The following TYW1B variants were observed in gnomAD, a reference collection of about 807,000 sequenced individuals.
TYW1B encodes tRNA-yW synthesizing protein 1 homolog B.
TYW1B carries 73 observed loss-of-function variants against 86.9 expected under a neutral mutation model. The observed-to-expected ratio is 0.84, with a 90% CI of 0.70 to 1.02. The LOEUF is 1.02. Among genes scored for constraint, TYW1B ranks in the 50% least tolerant of loss-of-function variants. The pLI, the probability that TYW1B is intolerant of heterozygous loss-of-function variation, is 0.00. For synonymous variants in TYW1B, 248 were observed against 292.8 expected, an observed-to-expected ratio of 0.85 and a Z score of 1.56; for missense variants, 637 against 827.4, an observed-to-expected ratio of 0.77 and a Z score of 2.82.
Position 72,807,206 on chromosome 7 carries a change from G to A in TYW1B, c.583C>T (p.Gln195Ter), listed in dbSNP as rs1381875309. 2.5e-6 allele frequency: 4 copies of A among 1,614,026 alleles called. No individual in the cohort carries two copies. Among genetic ancestry groups the A allele is most frequent in the Non-Finnish European group, 3.4e-6 (4 of 1,179,980 alleles). ...TTTCTCTCCCCTTTCTGAAGTGCCT[G>A]CAGCTGGGAGATGAACTTGGTCTTC... is the stretch of plus-strand genomic sequence containing the variant. ...AWKTKFISQL[Q>*]ALQKGERKKS... The change falls in exon 5 of 14, where the codon CAG (glutamine) becomes TAG (stop). Residue 195 changes from glutamine (Q) to a stop codon, truncating the protein, a stop_gained. Coordinates refer to ENST00000620995, the MANE Select transcript of TYW1B (RefSeq NM_001145440.3). LOFTEE classifies it high-confidence loss of function.
intron 3 of TYW1B, among the ~76,000 whole-genome samples, chr7:72,813,892 G>A (rs1554478871): frequency 6.6e-6 from 1 of 151,740 alleles, no homozygotes; most frequent in East Asian, 1.9e-4. Context: ...GTGGGCACCT[G>A]TAATCCCAGC....
intron 6 of TYW1B, among the ~76,000 whole-genome samples, chr7:72,791,707 G>C (rs539984314): frequency 6.6e-6 from 1 of 152,296 alleles, no homozygotes; most frequent in Non-Finnish European, 1.5e-5. Context: ...AACCTGGAAG[G>C]TGGAGGTTGC....
intron 10 of TYW1B, among the ~76,000 whole-genome samples, chr7:72,708,519 T>TGCTGACTTGCTGTATGA: frequency 6.6e-6 from 1 of 152,310 alleles, no homozygotes; most frequent in East Asian, 1.9e-4. Flanking sequence ...TAGCTGAACT[T>TGCTGACTTGCTGTATGA]GCTGACTTGC....
chr7:72,673,076 G>A (rs1813649995), intron 11 of TYW1B, among the ~76,000 whole-genome samples: 1 of 152,196 alleles, frequency 6.6e-6, no homozygotes, highest in Non-Finnish European at 1.5e-5. Context: ...GCTGAGGCAG[G>A]AGAATTGCTT....
intron 6 of TYW1B, among the ~76,000 whole-genome samples, chr7:72,786,005 G>A (rs1477519612): frequency 2.0e-5 from 3 of 151,956 alleles, no homozygotes; most frequent in Non-Finnish European, 4.4e-5. Context: ...CCACCTACTC[G>A]GGAGGCTGAG....
At chr7:72,756,327 C>T (rs1161769069) in intron 7 of TYW1B, among the ~76,000 whole-genome samples, 1 of 151,760 alleles carries the variant, frequency 6.6e-6, no homozygotes, top group African/African-American at 2.4e-5. Flanking sequence ...CTCCGCCTCC[C>T]GGGTTCAAGC....
chr7:72,607,623 G>A (rs1456864486), intron 13 of TYW1B, among the ~76,000 whole-genome samples: 1 of 151,638 alleles, frequency 6.6e-6, no homozygotes, highest in Non-Finnish European at 1.5e-5. Flanking sequence ...TAAAAAGACA[G>A]AATGAATCAA....
intron 13 of TYW1B, among the ~76,000 whole-genome samples, chr7:72,595,613 G>C (rs1554432417): frequency 6.6e-6 from 1 of 152,138 alleles, no homozygotes; most frequent in Non-Finnish European, 1.5e-5. Context: ...AGTCTCAGAG[G>C]TGGAAGTAGC....
chr7:72,813,214 C>T (rs1175394382), intron 3 of TYW1B, among the ~76,000 whole-genome samples: 3 of 128,736 alleles, frequency 2.3e-5, no homozygotes, highest in Middle Eastern at 5.4e-3. Context: ...TTGCTTTTGT[C>T]GCCCAGGCTA....
chr7:72,827,750 G>T (rs1237499795), intron 1 of TYW1B, among the ~76,000 whole-genome samples: 1 of 152,032 alleles, frequency 6.6e-6, no homozygotes, highest in Non-Finnish European at 1.5e-5. Context: ...GATATGGAAG[G>T]ACCTGGCTTC....
chr7:72,731,354 A>G (rs1205534358), intron 8 of TYW1B, among the ~76,000 whole-genome samples: 1 of 141,586 alleles, frequency 7.1e-6, no homozygotes, highest in Non-Finnish European at 1.5e-5. Flanking sequence ...GATTAAAAAA[A>G]GTATTCAAAT....
chr7:72,806,982 G>C (rs1423805160), intron 5 of TYW1B, 84 bp downstream of exon 5: 1 of 1,512,584 alleles, frequency 6.6e-7, no homozygotes, highest in African/African-American at 1.4e-5. Context: ...AAGCCAACGA[G>C]ATGGTTTATT....
chr7:72,744,423 G>A lies in TYW1B; in HGVS notation c.1082+61C>T, dbSNP rs2093047639. 16 of 1,481,738 alleles carry A rather than the reference G, an allele frequency of 1.1e-5. No individual in the cohort carries two copies. In the South Asian group the frequency reaches 1.8e-4, roughly 17 times the overall value. 91.8% of individuals were successfully genotyped at this position (1,481,738 alleles called of 1,614,324 possible). A position where few individuals can be genotyped will look rare whatever the true frequency, so the allele number is the denominator to read the frequency against. Reference sequence around the variant, plus strand: ...TTGGGTAAGTCTGAGTGTGAGCTGGGCAGATTGATTACCACAGCTCATTAC... The same window carrying A: ...TTGGGTAAGTCTGAGTGTGAGCTGGACAGATTGATTACCACAGCTCATTAC... On this transcript the variant is annotated intron_variant, in intron 8 of 13. Transcript: ENST00000620995.
chr7:72,743,830 G>C (rs1787346848), intron 8 of TYW1B, among the ~76,000 whole-genome samples: 3 of 147,204 alleles, frequency 2.0e-5, no homozygotes, highest in Admixed American at 1.4e-4. Flanking sequence ...GGCAACAAGA[G>C]CGAAACTCCA....
At chr7:72,664,593 C>T (rs1813416556) in intron 11 of TYW1B, among the ~76,000 whole-genome samples, 1 of 152,008 alleles carries the variant, frequency 6.6e-6, no homozygotes, top group South Asian at 2.1e-4. Context: ...CACACTGGGG[C>T]CTATCACAGA....
chr7:72,801,133 AG>A (rs1285300837), intron 6 of TYW1B, among the ~76,000 whole-genome samples: 2 of 152,280 alleles, frequency 1.3e-5, no homozygotes, highest in African/African-American at 4.8e-5. Flanking sequence ...GTTCGAGACC[AG>A]CCTGGCCAAC....
intron 7 of TYW1B, among the ~76,000 whole-genome samples, chr7:72,747,287 GCTT>G (rs1787412608): frequency 6.6e-6 from 1 of 152,076 alleles, no homozygotes; most frequent in Admixed American, 6.6e-5. Context: ...TTCCACTTTT[GCTT>G]CTTCATTTTC....
At chr7:72,624,194 T>A (rs562784801) in intron 12 of TYW1B, among the ~76,000 whole-genome samples, 1 of 152,324 alleles carries the variant, frequency 6.6e-6, no homozygotes, top group East Asian at 1.9e-4. Context: ...ATTCTGTAGT[T>A]TAATCCTATT....
chr7:72,759,557 A>T (rs1554466859), intron 7 of TYW1B, among the ~76,000 whole-genome samples: 1 of 152,208 alleles, frequency 6.6e-6, no homozygotes, highest in African/African-American at 2.4e-5. Flanking sequence ...TACAAGGAAA[A>T]TTCAGAGCAC....
Sources: gnomAD v4.1 joint callset for allele counts (sites outside exome capture counted in the v4.1 genomes callset) on GRCh38, gnomAD v4.1.1 for gene constraint, MANE v1.5 for transcripts, NCBI Gene and HGNC (gene_info 2026-07-23, HGNC 2026-07-21) for gene names.